The following TNC variants were observed in gnomAD, a reference collection of about 807,000 sequenced individuals.
TNC encodes tenascin C, also known as tenascin.
In TNC, 109 loss-of-function variants were observed where a neutral mutation model predicts 202.4. The ratio of observed to expected loss-of-function variants is 0.54; its 90% CI spans 0.46 to 0.63. TNC has a LOEUF of 0.63. Ranked by LOEUF, TNC falls within the 30% of genes least tolerant of loss-of-function variation. TNC has a pLI of 0.00. For missense variants in TNC, 2,756 were observed against 2,833.3 expected, an observed-to-expected ratio of 0.97 and a Z score of 0.62; for synonymous variants, 1,007 against 1,089.7, an observed-to-expected ratio of 0.92 and a Z score of 1.50.
intron 10 of TNC, 116 bp downstream of exon 10, chr9:115,073,487 T>G (rs747837476): frequency 1.6e-6 from 2 of 1,275,394 alleles, no homozygotes; most frequent in Non-Finnish European, 2.2e-6. Flanking sequence ...GCTTCAGAGA[T>G]GGAGAAAGTG....
rs184792328 is a variant in TNC, at chr9:115,110,191, C to T, written c.-137+7791G>A. Among the ~76,000 whole-genome samples the T allele has an allele frequency of 9.7e-4, 148 of 151,994 alleles. 3 individuals are homozygous for T. Among genetic ancestry groups the T allele is most frequent in the South Asian group, 2.7e-3 (13 of 4,798 alleles). ...AACATAAAAAAGGATATTCTAGGCACGAGGGAATGGCATTTACAAGGATAT... is the reference window on the plus strand; with the variant it reads ...AACATAAAAAAGGATATTCTAGGCATGAGGGAATGGCATTTACAAGGATAT... On this transcript the variant is annotated intron_variant, in intron 1 of 27. Transcript: ENST00000350763.
chr9:115,106,384 G>C (rs1036212333), intron 1 of TNC, among the ~76,000 whole-genome samples: 5 of 152,148 alleles, frequency 3.3e-5, no homozygotes, highest in African/African-American at 1.2e-4. Flanking sequence ...AAGATTCATT[G>C]TTCAAGTTAA....
chr9:115,067,922 T>C (rs1182512316), intron 10 of TNC, among the ~76,000 whole-genome samples: 1 of 152,064 alleles, frequency 6.6e-6, no homozygotes, highest in Admixed American at 6.5e-5. Context: ...TAGTGGATGC[T>C]ACGTGTGCCC....
At chr9:115,030,183 TCTC>T (rs1390449594) in intron 24 of TNC, 68 bp downstream of exon 24, 3 of 1,472,458 alleles carry the variant, frequency 2.0e-6, no homozygotes, top group African/African-American at 1.4e-5. Context: ...ATCACCCTCT[TCTC>T]CTCCCCTGCT....
At chr9:115,081,216 T>A (rs552814976) in intron 6 of TNC, among the ~76,000 whole-genome samples, 1 of 152,332 alleles carries the variant, frequency 6.6e-6, no homozygotes, top group East Asian at 1.9e-4. Context: ...TTTCCCTTCC[T>A]CTGTCCTACA....
At chr9:115,084,017 G>C (rs1834513919) in intron 4 of TNC, among the ~76,000 whole-genome samples, 192 bp downstream of exon 4, 1 of 152,204 alleles carries the variant, frequency 6.6e-6, no homozygotes, top group Admixed American at 6.5e-5. Context: ...GTATATAGGA[G>C]AGCAAGGAGA....
rs1013384404 is a variant in TNC, at chr9:115,076,710, C to T, written c.2675-135G>A. ...CAAAATTCTCAGCACACTCATCTGT[C>T]CCCATAGTGGATGTGCAAATCTAAA... On this transcript the variant is annotated intron_variant, in intron 7 of 27. Transcript: ENST00000350763. 4.1e-6 allele frequency: 4 copies of T among 984,558 alleles called. No individual in the cohort carries two copies. The African/African-American group carries it at 6.5e-5, about 16-fold the overall frequency. The allele number at this position is 984,558 out of a possible 1,614,324, so 61.0% of individuals were successfully genotyped here.
rs1159146217 is a variant in TNC, at chr9:115,036,256, C to T, written c.5513-15G>A. On this transcript the variant is annotated splice_polypyrimidine_tract_variant and intron_variant, in intron 20 of 27. Coordinates refer to ENST00000350763, the MANE Select transcript of TNC (RefSeq NM_002160.4). Reference sequence around the variant, plus strand: ...AATTTCTGGCACTAAACATGAAATACACATACCAAGGCAGTCACCTCTCAC... The same window carrying T: ...AATTTCTGGCACTAAACATGAAATATACATACCAAGGCAGTCACCTCTCAC... 1 of 1,613,668 alleles carries T rather than the reference C, an allele frequency of 6.2e-7. No homozygotes were observed. The highest frequency in any genetic ancestry group is 1.3e-5 in the African/African-American group (1 of 74,922).
At chr9:115,039,207 G>A (rs1039305883) in intron 19 of TNC, among the ~76,000 whole-genome samples, 12 of 152,144 alleles carry the variant, frequency 7.9e-5, no homozygotes, top group African/African-American at 2.7e-4. Flanking sequence ...TCTGGAGGCC[G>A]GTGGTCCCGG....
chr9:115,083,758 C>G (rs2133372466), intron 4 of TNC, among the ~76,000 whole-genome samples: 1 of 152,214 alleles, frequency 6.6e-6, no homozygotes, highest in South Asian at 2.1e-4. Flanking sequence ...GCATGCACCA[C>G]CAGGCCCGAC....
chr9:115,072,130 C>A (rs1833514661), intron 10 of TNC, among the ~76,000 whole-genome samples: 1 of 152,210 alleles, frequency 6.6e-6, no homozygotes, highest in African/African-American at 2.4e-5. Flanking sequence ...GCCTCCCTTA[C>A]AGCTAGGAGT....
chr9:115,116,182 A>T (rs1482139502), intron 1 of TNC, among the ~76,000 whole-genome samples: 2 of 152,158 alleles, frequency 1.3e-5, no homozygotes, highest in Admixed American at 1.3e-4. Flanking sequence ...GGGAAGGAGG[A>T]GGTTAGTGTG....
At chr9:115,096,389 C>A (rs1386113983) in intron 1 of TNC, among the ~76,000 whole-genome samples, 1 of 152,188 alleles carries the variant, frequency 6.6e-6, no homozygotes, top group Admixed American at 6.5e-5. Flanking sequence ...TACTTAAGAG[C>A]CCATGGGGCT....
chr9:115,096,423 C>T (rs1466395083), intron 1 of TNC, among the ~76,000 whole-genome samples: 1 of 152,148 alleles, frequency 6.6e-6, no homozygotes, highest in Non-Finnish European at 1.5e-5. Context: ...TGAGACAGTG[C>T]AGATGAAGAA....
At chr9:115,096,566 A>G (rs1035929056) in intron 1 of TNC, among the ~76,000 whole-genome samples, 2 of 152,234 alleles carry the variant, frequency 1.3e-5, no homozygotes, top group African/African-American at 4.8e-5. Flanking sequence ...GAAAGTTTCA[A>G]TGTTGTTAAG....
rs776710641 is a variant in TNC at position 115,064,946 on chromosome 9, T to C, written c.3215-27A>G. ...TGAATAATGACAGAGATGGGGTCAGTTAAACTATTCCTCAGAAAGTTTTGC... is the reference window on the plus strand; with the variant it reads ...TGAATAATGACAGAGATGGGGTCAGCTAAACTATTCCTCAGAAAGTTTTGC... On this transcript the variant is annotated intron_variant, in intron 10 of 27. Coordinates refer to ENST00000350763, the MANE Select transcript of TNC (RefSeq NM_002160.4). 8.1e-6 allele frequency: 13 copies of C among 1,599,404 alleles called. No homozygotes were observed. The South Asian group carries it at 1.3e-4, about 16-fold the overall frequency.
In TNC at chr9:115,078,176, A is replaced by G. The variant is rs2133212734; in HGVS notation, c.2441T>C (p.Val814Ala). The change falls in exon 7 of 28, where the codon GTC (valine) becomes GCC (alanine). Residue 814 changes from valine to alanine, a missense_variant. Transcript: ENST00000350763. ...DAPSQIEVKDVTDTTALITWF... is the reference protein window; with the variant it reads ...DAPSQIEVKDATDTTALITWF... ...GGTGATCAAGGCAGTGGTGTCTGTG[A>G]CATCTTTCACCTCGATCTGGCTGGG... The G allele has an allele frequency of 6.2e-7, 1 of 1,611,000 alleles. No homozygotes were observed. Among genetic ancestry groups the G allele is most frequent in the Non-Finnish European group, 8.5e-7 (1 of 1,177,380 alleles).
At chr9:115,109,208 G>T (rs1321496294) in intron 1 of TNC, among the ~76,000 whole-genome samples, 1 of 152,144 alleles carries the variant, frequency 6.6e-6, no homozygotes, top group African/African-American at 2.4e-5. Flanking sequence ...TTATCATCAA[G>T]AACTATTTGA....
At chr9:115,040,893 T>A in intron 19 of TNC, 48 bp downstream of exon 19, 2 of 1,533,960 alleles carry the variant, frequency 1.3e-6, no homozygotes, top group South Asian at 2.5e-5. Context: ...ACAAGTGACC[T>A]CTGAAAAATA....
Sources: allele counts gnomAD v4.1 joint callset (sites outside exome capture counted in the v4.1 genomes callset), GRCh38; gene constraint gnomAD v4.1.1; transcripts MANE v1.5; gene names NCBI Gene and HGNC (gene_info 2026-07-23, HGNC 2026-07-21).